Variants in CRPPA observed in about 807,000 individuals in gnomAD.
CRPPA encodes the protein D-ribitol-5-phosphate cytidylyltransferase.
CRPPA carries 43 observed loss-of-function variants against 52.0 expected under a neutral mutation model. The ratio of observed to expected loss-of-function variants is 0.83; its 90% CI spans 0.65 to 1.07. The LOEUF (loss-of-function observed/expected upper bound fraction) is 1.07. Ranked by LOEUF, CRPPA falls within the 50% of genes least tolerant of loss-of-function variation. The pLI, the probability that CRPPA is intolerant of heterozygous loss-of-function variation, is 0.00. For missense variants in CRPPA, 629 were observed against 551.7 expected (o/e 1.14, Z -1.40); for synonymous variants, 250 against 203.5 (o/e 1.23, Z -1.94).
intron 9 of CRPPA, among the ~76,000 whole-genome samples, chr7:16,100,891 C>A (rs1438007673): frequency 6.6e-6 from 1 of 152,164 alleles, no homozygotes; most frequent in Non-Finnish European, 1.5e-5. Flanking sequence ...AGGGCCTTTT[C>A]TGCATCTATT....
At chr7:16,371,658 A>T (rs930486848) in intron 3 of CRPPA, among the ~76,000 whole-genome samples, 1 of 152,074 alleles carries the variant, frequency 6.6e-6, no homozygotes, top group Non-Finnish European at 1.5e-5. Flanking sequence ...AGGGTTCTAT[A>T]ACAACCTATA....
chr7:16,328,154 G>A (rs2128429154), intron 3 of CRPPA, among the ~76,000 whole-genome samples: 1 of 152,276 alleles, frequency 6.6e-6, no homozygotes, highest in Admixed American at 6.5e-5. Context: ...AACATCTTCT[G>A]ATTTGTCCAG....
At chr7:16,100,452 G>A (rs3857708) in intron 9 of CRPPA, among the ~76,000 whole-genome samples, 33,421 of 152,086 alleles carry the variant, frequency 0.22, 4,731 homozygotes, top group Admixed American at 0.33. Flanking sequence ...GTAGGCACTC[G>A]GTAAATATTT....
intron 3 of CRPPA, among the ~76,000 whole-genome samples, chr7:16,336,166 T>C (rs1350434577): frequency 6.6e-6 from 1 of 152,138 alleles, no homozygotes; most frequent in Non-Finnish European, 1.5e-5. Context: ...AACCATGAAA[T>C]TAAAAATCTC....
chr7:16,311,806 G>A (rs1785040344), intron 3 of CRPPA, among the ~76,000 whole-genome samples: 1 of 152,072 alleles, frequency 6.6e-6, no homozygotes, highest in Non-Finnish European at 1.5e-5. Flanking sequence ...TTGAAAGTGT[G>A]TGCCTAGATT....
intron 3 of CRPPA, among the ~76,000 whole-genome samples, chr7:16,315,627 GGTT>G (rs1461156366): frequency 1.3e-5 from 2 of 152,040 alleles, no homozygotes; most frequent in African/African-American, 4.8e-5. Flanking sequence ...TTTTCAGAAT[GGTT>G]GTTTCCCTTC....
intron 9 of CRPPA, among the ~76,000 whole-genome samples, chr7:16,176,989 T>C (rs1177528468): frequency 6.6e-6 from 1 of 152,112 alleles, no homozygotes; most frequent in Non-Finnish European, 1.5e-5. Context: ...CCTATTGATA[T>C]ACGCAGCAAC....
chr7:16,147,488 G>A (rs774708145), intron 9 of CRPPA, among the ~76,000 whole-genome samples: 14 of 152,054 alleles, frequency 9.2e-5, no homozygotes, highest in Admixed American at 2.0e-4. Flanking sequence ...CCTCTACCAA[G>A]CACAGTCTTC....
chr7:16,257,148 G>A (rs535890189), intron 8 of CRPPA, among the ~76,000 whole-genome samples: 4 of 152,008 alleles, frequency 2.6e-5, no homozygotes, highest in Admixed American at 1.3e-4. Flanking sequence ...TTTCTACGTC[G>A]AGGAAACCAA....
intron 2 of CRPPA, among the ~76,000 whole-genome samples, chr7:16,391,051 T>C (rs747455700): frequency 1.2e-4 from 19 of 152,264 alleles, no homozygotes; most frequent in African/African-American, 3.1e-4. Context: ...CAAACCTATA[T>C]ATCCAGCCCA....
chr7:16,206,637 A>C (rs1025607009), intron 9 of CRPPA, among the ~76,000 whole-genome samples: 1 of 152,064 alleles, frequency 6.6e-6, no homozygotes, highest in African/African-American at 2.4e-5. Context: ...AAAAGTGGCA[A>C]ATTCTCTGTG....
intron 9 of CRPPA, among the ~76,000 whole-genome samples, chr7:16,213,332 C>T (rs772702554): frequency 2.6e-5 from 4 of 152,154 alleles, no homozygotes; most frequent in Non-Finnish European, 5.9e-5. Flanking sequence ...TAAGATTATA[C>T]TTTAAAGGGA....
intron 3 of CRPPA, among the ~76,000 whole-genome samples, chr7:16,321,083 C>A (rs1201199090): frequency 1.3e-5 from 2 of 152,048 alleles, no homozygotes; most frequent in African/African-American, 4.8e-5. Context: ...ATTTTTCTAG[C>A]CCCACCTAAC....
chr7:16,292,003 G>T (rs79625578), intron 5 of CRPPA, among the ~76,000 whole-genome samples: 9 of 151,750 alleles, frequency 5.9e-5, no homozygotes, highest in Non-Finnish European at 2.9e-5. Context: ...GATGAAACAC[G>T]GTGGAAATGT....
chr7:16,320,800 G>T (rs1288203553), intron 3 of CRPPA, among the ~76,000 whole-genome samples: 1 of 152,092 alleles, frequency 6.6e-6, no homozygotes, highest in South Asian at 2.1e-4. Context: ...ATTATGCAAT[G>T]TATTTTGGGA....
rs1412666144 is a variant in CRPPA, at chr7:16,347,596, C to T, written c.684+28496G>A. 1.3e-5 allele frequency among the ~76,000 whole-genome samples: 2 copies of T among 152,112 alleles called. 1 individual carries two copies. Among genetic ancestry groups the T allele is most frequent in the East Asian group, 3.9e-4 (2 of 5,178 alleles). On this transcript the variant is annotated intron_variant, in intron 3 of 9. Coordinates refer to ENST00000407010, the MANE Select transcript of CRPPA (RefSeq NM_001101426.4). ...AACAGGAGGCTCCAGATTCCCCCTTCACCCATAGACCCAGTGAATAGACAT... is the reference window on the plus strand; with the variant it reads ...AACAGGAGGCTCCAGATTCCCCCTTTACCCATAGACCCAGTGAATAGACAT...
intron 2 of CRPPA, among the ~76,000 whole-genome samples, chr7:16,397,957 C>T (rs1787656709): frequency 1.3e-5 from 2 of 152,222 alleles, no homozygotes; most frequent in Non-Finnish European, 2.9e-5. Flanking sequence ...ACACGTTTGA[C>T]ATGTGACTTA....
At chr7:16,341,009 T>C (rs1424252958) in intron 3 of CRPPA, among the ~76,000 whole-genome samples, 1 of 152,158 alleles carries the variant, frequency 6.6e-6, no homozygotes, top group Non-Finnish European at 1.5e-5. Flanking sequence ...GAAAAGGTTA[T>C]ATACTGTGTG....
intron 8 of CRPPA, among the ~76,000 whole-genome samples, chr7:16,221,582 C>G (rs74907335): frequency 1.1e-3 from 166 of 151,754 alleles, no homozygotes; most frequent in African/African-American, 3.6e-3. Flanking sequence ...CTACAATGAA[C>G]TCAAACAAAT....
Sources: gnomAD v4.1 joint callset for allele counts (sites outside exome capture counted in the v4.1 genomes callset) on GRCh38, gnomAD v4.1.1 for gene constraint, MANE v1.5 for transcripts, NCBI Gene and HGNC (gene_info 2026-07-23, HGNC 2026-07-21) for gene names.